Variants in FBXW7 observed in about 807,000 individuals in gnomAD.
FBXW7 encodes the protein F-box/WD repeat-containing protein 7.
In FBXW7, 11 loss-of-function variants were observed where a neutral mutation model predicts 86.3. That is an observed-to-expected ratio of 0.13 (90% CI 0.08 to 0.21). The LOEUF is 0.21. FBXW7 is among the 10% of genes least tolerant of loss of function. The pLI is 1.00. For missense variants in FBXW7, 488 were observed against 847.4 expected, an observed-to-expected ratio of 0.58 and a Z score of 5.27; for synonymous variants, 313 against 297.9, an observed-to-expected ratio of 1.05 and a Z score of -0.52.
chr4:152,347,633 T>C (rs921546400), intron 5 of FBXW7, among the ~76,000 whole-genome samples: 1 of 152,150 alleles, frequency 6.6e-6, no homozygotes, highest in African/African-American at 2.4e-5. Context: ...GTCTGAATAG[T>C]TGACAGGACT....
chr4:152,498,680 A>G (rs1378077474), intron 2 of FBXW7, among the ~76,000 whole-genome samples: 1 of 152,224 alleles, frequency 6.6e-6, no homozygotes, highest in Non-Finnish European at 1.5e-5. Flanking sequence ...CTTAATGTCT[A>G]AACAAGTGCT....
chr4:152,441,680 A>C (rs77098514), intron 2 of FBXW7, among the ~76,000 whole-genome samples: 2,082 of 152,336 alleles, frequency 0.014, 26 homozygotes, highest in Middle Eastern at 0.037. Flanking sequence ...TTATTTTTGA[A>C]TAACCAATGA....
chr4:152,393,505 A>G lies in FBXW7; in HGVS notation c.501+17798T>C, dbSNP rs186155784. 9.7e-4 allele frequency among the ~76,000 whole-genome samples: 148 copies of G among 152,296 alleles called. 2 individuals are homozygous for G. Among genetic ancestry groups the G allele is most frequent in the African/African-American group, 3.5e-3 (145 of 41,580 alleles). Reference sequence around the variant, plus strand: ...CCCAAAACTGAAACACGTGATAAACACTACAGAGGTACCTCAGTATATTTA... The same window carrying G: ...CCCAAAACTGAAACACGTGATAAACGCTACAGAGGTACCTCAGTATATTTA... On this transcript the variant is annotated intron_variant, in intron 4 of 13. Transcript: ENST00000281708.
intron 4 of FBXW7, among the ~76,000 whole-genome samples, chr4:152,367,896 C>T (rs58065592): frequency 0.01 from 1,580 of 151,498 alleles, 20 homozygotes; most frequent in East Asian, 0.043. Context: ...TAAAATTATA[C>T]TAAAGAAAAA....
chr4:152,457,849 A>T (rs1742573446), intron 2 of FBXW7, among the ~76,000 whole-genome samples: 1 of 152,008 alleles, frequency 6.6e-6, no homozygotes, highest in South Asian at 2.1e-4. Context: ...GAATTTAAGA[A>T]AGATTTCTGG....
At chr4:152,438,214 C>T (rs1003762308) in intron 2 of FBXW7, among the ~76,000 whole-genome samples, 2 of 152,140 alleles carry the variant, frequency 1.3e-5, no homozygotes, top group Non-Finnish European at 2.9e-5. Context: ...TTAAGGTATG[C>T]ACACTTTTTA....
At chr4:152,531,572 GAAA>G (rs745845035) in intron 2 of FBXW7, among the ~76,000 whole-genome samples, 1 of 102,138 alleles carries the variant, frequency 9.8e-6, no homozygotes, top group Admixed American at 1.0e-4. Context: ...AGTTTAAAAG[GAAA>G]AAAAAAAAAA....
intron 4 of FBXW7, among the ~76,000 whole-genome samples, chr4:152,389,022 A>G (rs1735776810): frequency 6.6e-6 from 1 of 152,112 alleles, no homozygotes; most frequent in Admixed American, 6.6e-5. Flanking sequence ...TTTCATGCCT[A>G]CAAGCATGAA....
At chr4:152,500,582 A>G (rs1325976639) in intron 2 of FBXW7, among the ~76,000 whole-genome samples, 6 of 151,742 alleles carry the variant, frequency 4.0e-5, no homozygotes, top group Non-Finnish European at 8.8e-5. Context: ...GCAGCATGAT[A>G]TAGTCTGACT....
chr4:152,378,170 T>G (rs1734728184), intron 4 of FBXW7, among the ~76,000 whole-genome samples: 2 of 152,168 alleles, frequency 1.3e-5, no homozygotes, highest in African/African-American at 4.8e-5. Context: ...TGATTTAAGA[T>G]GACGATACAT....
chr4:152,432,050 T>C (rs1028445464), intron 2 of FBXW7, among the ~76,000 whole-genome samples: 5 of 152,234 alleles, frequency 3.3e-5, no homozygotes, highest in African/African-American at 1.2e-4. Context: ...TCTGTAGTCA[T>C]TGGCTGTTTA....
chr4:152,404,292 C>T (rs1009386677), intron 4 of FBXW7, among the ~76,000 whole-genome samples: 7 of 152,122 alleles, frequency 4.6e-5, no homozygotes, highest in Non-Finnish European at 7.4e-5. Context: ...TAATTGGTTT[C>T]CAGCAGAGAG....
chr4:152,501,432 C>A (rs1746939409), intron 2 of FBXW7, among the ~76,000 whole-genome samples: 1 of 151,976 alleles, frequency 6.6e-6, no homozygotes, highest in African/African-American at 2.4e-5. Context: ...CTGTAGAAAT[C>A]AAAAACATGG....
At chr4:152,396,994 G>A (rs1221310476) in intron 4 of FBXW7, among the ~76,000 whole-genome samples, 3 of 151,772 alleles carry the variant, frequency 2.0e-5, no homozygotes, top group Non-Finnish European at 2.9e-5. Flanking sequence ...AATAATTTAA[G>A]GTATTAAAAT....
At chr4:152,437,935 G>A (rs1426903784) in intron 2 of FBXW7, among the ~76,000 whole-genome samples, 3 of 152,160 alleles carry the variant, frequency 2.0e-5, no homozygotes, top group Non-Finnish European at 4.4e-5. Flanking sequence ...AGCACTTTGG[G>A]AGGCAGAGGT....
chr4:152,342,159 C>G (rs112776883), intron 6 of FBXW7, among the ~76,000 whole-genome samples: 5 of 152,042 alleles, frequency 3.3e-5, no homozygotes, highest in Admixed American at 6.5e-5. Flanking sequence ...AATTTAAGGA[C>G]AAAATTGCAA....
At chr4:152,455,397 C>T (rs1742312350) in intron 2 of FBXW7, among the ~76,000 whole-genome samples, 2 of 152,292 alleles carry the variant, frequency 1.3e-5, no homozygotes, top group South Asian at 4.1e-4. Context: ...GCAGCAGCAC[C>T]TTTAATGTTC....
intron 2 of FBXW7, among the ~76,000 whole-genome samples, chr4:152,430,174 T>C (rs1739758314): frequency 1.3e-5 from 2 of 152,350 alleles, no homozygotes; most frequent in South Asian, 2.1e-4. Flanking sequence ...CCTAGTTCTC[T>C]GAACGGCTGA....
chr4:152,382,023 TATCATATTATAAA>T (rs1253362744), intron 4 of FBXW7, among the ~76,000 whole-genome samples: 1 of 152,200 alleles, frequency 6.6e-6, no homozygotes, highest in Non-Finnish European at 1.5e-5. Flanking sequence ...CTAGGCTCTA[TATCATATTATAAA>T]ACTATCACTT....
Sources: gnomAD v4.1 joint callset for allele counts (sites outside exome capture counted in the v4.1 genomes callset) on GRCh38, gnomAD v4.1.1 for gene constraint, MANE v1.5 for transcripts, NCBI Gene and HGNC (gene_info 2026-07-23, HGNC 2026-07-21) for gene names.